Variants in TARBP2 observed in about 807,000 individuals in gnomAD.
TARBP2 encodes the protein TARBP2 subunit of RISC loading complex, also known as RISC-loading complex subunit TARBP2.
TARBP2 carries 23 observed loss-of-function variants against 40.4 expected under a neutral mutation model. That is an observed-to-expected ratio of 0.57 (90% confidence interval 0.41 to 0.81). The LOEUF (loss-of-function observed/expected upper bound fraction) is 0.81. TARBP2 is among the 30% of genes least tolerant of loss of function. TARBP2 has a pLI of 0.00. For missense variants in TARBP2, 358 were observed against 473.7 expected (o/e 0.76, Z 2.27); for synonymous variants, 183 against 190.5 (o/e 0.96, Z 0.32).
At chr12:53,501,881 C>A in intron 1 of TARBP2, 134 bp from the exon 2 acceptor site, 1 of 1,408,984 alleles carries the variant, frequency 7.1e-7, no homozygotes, top group Non-Finnish European at 9.5e-7. Flanking sequence ...GGAACCCAGC[C>A]AATGGATGCT....
At chr12:53,502,984 T>C in intron 2 of TARBP2, 43 bp from the exon 3 acceptor site, 2 of 1,520,908 alleles carry the variant, frequency 1.3e-6, no homozygotes, top group Admixed American at 2.1e-5. Flanking sequence ...TTCTTTCCCG[T>C]CCTTTCAGTG....
chr12:53,503,801 C>T lies in TARBP2; in HGVS notation c.415C>T (p.Leu139=), dbSNP rs765682240. Residue 139 remains leucine (L), a synonymous_variant, in exon 4 of 9, where the codon CTA becomes TTA. Transcript: ENST00000266987. Reference sequence around the variant, plus strand: ...TGCTACCCCAGTTCCATCTGTAGTCCTAACCAGGTATCTGTGTCCCCTGAC... The same window carrying T: ...TGCTACCCCAGTTCCATCTGTAGTCTTAACCAGGTATCTGTGTCCCCTGAC... ...AAATPVPSVV[L]TRSPPMELQP... The T allele has an allele frequency of 1.2e-6, 2 of 1,613,874 alleles. No homozygotes were observed. The highest frequency in any genetic ancestry group is 2.2e-5 in the South Asian group (2 of 91,082).
At chr12:53,501,197 G>A (rs374106692), upstream of TARBP2, 207 of 589,502 alleles carry the variant, frequency 3.5e-4, no homozygotes, top group African/African-American at 3.4e-3. Flanking sequence ...GCCCGGGCGA[G>A]CCACGCACGC....
At chr12:53,501,727 G>T in intron 1 of TARBP2, 9 of 1,428,554 alleles carry the variant, frequency 6.3e-6, no homozygotes, top group Non-Finnish European at 8.2e-6. Context: ...TGGGTTCCTG[G>T]CTTGCACTGT....
At chr12:53,502,679 G>C in intron 2 of TARBP2, 1 of 217,490 alleles carries the variant, frequency 4.6e-6, no homozygotes, top group Non-Finnish European at 9.2e-6. Flanking sequence ...ATGTGGCAGA[G>C]TGGGGCTTTT....
In TARBP2 at chr12:53,505,235, G is replaced by A; in HGVS notation, c.714G>A (p.Val238=). ...TGGATGCCCGGGATGGCAATGAGGT[G>A]GAGCCTGATGATGACCACTTCTCCA... is the stretch of plus-strand genomic sequence containing the variant. ...VPLDARDGNE[V]EPDDDHFSIG... Residue 238 remains valine, a synonymous_variant, in exon 7 of 9, where the codon GTG becomes GTA. Transcript: ENST00000266987. This position sits in a 1 kb window ranked among gnomAD's most constrained non-coding sequence, Gnocchi z 4.5. 6.2e-7 allele frequency: 1 copy of A among 1,605,514 alleles called. No individual in the cohort carries two copies. The highest frequency in any genetic ancestry group is 8.5e-7 in the Non-Finnish European group (1 of 1,173,016).
In TARBP2 at chr12:53,502,105, C is replaced by T. The variant is rs1429327123; in HGVS notation, c.144C>T (p.Tyr48=). 2 of 1,614,158 alleles carry T rather than the reference C, an allele frequency of 1.2e-6. No individual in the cohort carries two copies. The highest frequency in any genetic ancestry group is 1.7e-5 in the Admixed American group (1 of 60,024). ...CCAGAATAGGGAAGACGCCTGTGTA[C>T]GACCTTCTCAAAGCCGAGGGCCAAG... ...YGTRIGKTPV[Y]DLLKAEGQAH... Residue 48 remains tyrosine, a synonymous_variant, in exon 2 of 9, where the codon TAC becomes TAT. Coordinates refer to ENST00000266987, the MANE Select transcript of TARBP2 (RefSeq NM_134323.2).
At position 53,506,252 on chromosome 12, in the gene TARBP2, T is replaced by A; in HGVS notation, c.*104T>A. The A allele has an allele frequency of 7.2e-7, 1 of 1,396,778 alleles. No homozygotes were observed. The highest frequency in any genetic ancestry group is 9.6e-7 in the Non-Finnish European group (1 of 1,040,420). 86.5% of individuals were successfully genotyped at this position (1,396,778 alleles called of 1,614,324 possible). A position where few individuals can be genotyped will look rare whatever the true frequency, so the allele number is the denominator to read the frequency against. On this transcript the variant is annotated 3_prime_UTR_variant, in exon 9 of 9. Transcript: ENST00000266987. ...TGGTACCCTCTGTGGGTGCCATCTC[T>A]ACCTCTGACACAGACTGCCTGCCTT...
Position 53,503,135 on chromosome 12 carries a change from GGAGGAACC to G in TARBP2, c.326+11_326+18del, listed in dbSNP as rs1183822836. 6.5e-7 allele frequency: 1 copy of G among 1,546,432 alleles called. No homozygotes were observed. Among genetic ancestry groups the G allele is most frequent in the Admixed American group, 2.0e-5 (1 of 50,514 alleles). On this transcript the variant is annotated splice_region_variant and intron_variant, in intron 3 of 8. Transcript: ENST00000266987. ...CCGGCCCTGGAGGACAGCAGGTGAG[GGAGGAACC>G]GAGGCATCCCAGAAGCCCTTCAAGG...
In TARBP2 at chr12:53,504,484, C is replaced by T. The variant is rs1463701798; in HGVS notation, c.495+15C>T. On this transcript the variant is annotated intron_variant, in intron 5 of 8. Coordinates refer to ENST00000266987, the MANE Select transcript of TARBP2 (RefSeq NM_134323.2). ...GTGCTCTGCAGGTGTGTCCCATCCTCATTTCCCATGCATGCCTGTCTTCCC... is the reference window on the plus strand; with the variant it reads ...GTGCTCTGCAGGTGTGTCCCATCCTTATTTCCCATGCATGCCTGTCTTCCC... The T allele has an allele frequency of 3.1e-6, 5 of 1,612,930 alleles. No individual in the cohort carries two copies. The highest frequency in any genetic ancestry group is 2.5e-6 in the Non-Finnish European group (3 of 1,179,338).
intron 2 of TARBP2, 88 bp downstream of exon 2, chr12:53,502,272 T>C: frequency 6.7e-7 from 1 of 1,492,138 alleles, no homozygotes; most frequent in Non-Finnish European, 9.0e-7. Context: ...TCACAGTCCT[T>C]TTCTCCAAGG....
intron 2 of TARBP2, chr12:53,502,468 T>TG: frequency 2.3e-6 from 1 of 427,190 alleles, no homozygotes; most frequent in African/African-American, 2.0e-5. Context: ...GTGGAGTATT[T>TG]GGGGGAGTGA....
rs1489219038 is a variant in TARBP2 at position 53,505,991 on chromosome 12, A to G, written c.944A>G (p.Glu315Gly). Residue 315 changes from glutamate (E) to glycine (G), a missense_variant and splice_region_variant, in exon 9 of 9, where the codon GAG becomes GGG. Coordinates refer to ENST00000266987, the MANE Select transcript of TARBP2 (RefSeq NM_134323.2). The surrounding 1 kb of genome is among the most constrained non-coding windows in gnomAD (Gnocchi z 4.5). ...CTCCCTCCTCTCTCTTGCTCTCCAG[A>G]GGAGCTGAGCCTGAGTGGACTCTGC... The part of the protein sequence containing the change: ...QAFHVSYLDI[E>G]ELSLSGLCQC... 1.9e-6 allele frequency: 3 copies of G among 1,613,688 alleles called. No individual in the cohort carries two copies. The highest frequency in any genetic ancestry group is 1.7e-6 in the Non-Finnish European group (2 of 1,179,768).
intron 3 of TARBP2, 95 bp downstream of exon 3, chr12:53,503,224 C>A: frequency 7.0e-7 from 1 of 1,438,466 alleles, no homozygotes; most frequent in Non-Finnish European, 9.2e-7. Context: ...TGACACTTAG[C>A]CACCCTGACC....
At chr12:53,501,780 C>CTGA in intron 1 of TARBP2, 1 of 1,365,810 alleles carries the variant, frequency 7.3e-7, no homozygotes, top group Non-Finnish European at 9.6e-7. Flanking sequence ...GGCACAGGAT[C>CTGA]GTGCCCACCT....
At chr12:53,504,339 TG>T in intron 4 of TARBP2, 57 bp from the exon 5 acceptor site, 1 of 1,470,450 alleles carries the variant, frequency 6.8e-7, no homozygotes, top group Non-Finnish European at 9.1e-7. Context: ...TTGGAGCTCA[TG>T]GGCAGGCTCA....
intron 3 of TARBP2, 176 bp downstream of exon 3, chr12:53,503,305 T>G (rs897218777): frequency 1.5e-6 from 2 of 1,377,392 alleles, no homozygotes; most frequent in Admixed American, 3.2e-5. Context: ...TGAAGAATTC[T>G]TGGGGTGGAG....
In TARBP2 at chr12:53,503,519, C is replaced by CTT. The variant is rs542742464; in HGVS notation, c.327-191_327-190dup. The CTT allele has an allele frequency of 2.1e-4, 125 of 595,638 alleles. No individual in the cohort carries two copies. In the East Asian group the frequency reaches 3.4e-3, roughly 16 times the overall value. The allele number at this position is 595,638 out of a possible 1,614,324, so 36.9% of individuals were successfully genotyped here. On this transcript the variant is annotated intron_variant, in intron 3 of 8. Coordinates refer to ENST00000266987, the MANE Select transcript of TARBP2 (RefSeq NM_134323.2). ...AAGATACCCTCTTCTCTGAGACTCT[C>CTT]TTTTCTCAGTCTTTTCGCCGGTGTT...
chr12:53,505,957 C>A lies in TARBP2; in HGVS notation c.944-34C>A, dbSNP rs528190035. ...CACCCCTCCCCAGGGCTACCTCCCC[C>A]AACATTGCCTCCCTCCTCTCTCTTG... On this transcript the variant is annotated intron_variant, in intron 8 of 8. Transcript: ENST00000266987. The surrounding 1 kb of genome is among the most constrained non-coding windows in gnomAD (Gnocchi z 4.5). The A allele has an allele frequency of 5.6e-6, 9 of 1,607,262 alleles. No homozygotes were observed. In the South Asian group the frequency reaches 9.9e-5, roughly 18 times the overall value.
Sources: allele counts gnomAD v4.1 joint callset, GRCh38; gene constraint gnomAD v4.1.1; non-coding constraint Gnocchi (gnomAD v3.1); transcripts MANE v1.5; gene names NCBI Gene and HGNC (gene_info 2026-07-23, HGNC 2026-07-21).